Variants in AASDH observed in about 807,000 individuals in gnomAD.
The protein encoded by AASDH is beta-alanine-activating enzyme.
AASDH carries 81 observed loss-of-function variants against 102.3 expected under a neutral mutation model. That is an observed-to-expected ratio of 0.79 (90% CI 0.66 to 0.95). The LOEUF (loss-of-function observed/expected upper bound fraction) is 0.95. Ranked by LOEUF, AASDH falls within the 40% of genes least tolerant of loss-of-function variation. The probability of loss-of-function intolerance (pLI) is 0.00; values close to 1 mark genes in which losing one functional copy is unlikely to be tolerated. For missense variants in AASDH, 1,203 were observed against 1,266.2 expected, an observed-to-expected ratio of 0.95 and a Z score of 0.76; for synonymous variants, 398 against 454.0, an observed-to-expected ratio of 0.88 and a Z score of 1.57.
chr4:56,370,874 A>T (rs1312199600), intron 5 of AASDH, among the ~76,000 whole-genome samples: 1 of 152,216 alleles, frequency 6.6e-6, no homozygotes, highest in Non-Finnish European at 1.5e-5. Flanking sequence ...TGATATGCAT[A>T]TAATATTGCT....
intron 5 of AASDH, among the ~76,000 whole-genome samples, chr4:56,369,958 A>T (rs1124569): frequency 6.7e-6 from 1 of 150,272 alleles, no homozygotes; most frequent in Non-Finnish European, 1.5e-5. Flanking sequence ...AAAAAAAAAA[A>T]AAAAACAGAC....
At chr4:56,366,453 T>C (rs1438654297) in intron 5 of AASDH, among the ~76,000 whole-genome samples, 2 of 152,114 alleles carry the variant, frequency 1.3e-5, no homozygotes, top group African/African-American at 4.8e-5. Context: ...TTGATGAACA[T>C]TGATGCAAAA....
chr4:56,357,651 TAATTATGAATAG>T, intron 5 of AASDH, among the ~76,000 whole-genome samples: 9 of 149,308 alleles, frequency 6.0e-5, no homozygotes, highest in African/African-American at 2.2e-4. Flanking sequence ...TAATTATATA[TAATTATGAATAG>T]AAATTATATA....
At chr4:56,371,736 T>A (rs1057015501) in intron 4 of AASDH, 93 bp from the exon 5 acceptor site, 1 of 1,186,684 alleles carries the variant, frequency 8.4e-7, no homozygotes, top group Middle Eastern at 2.4e-4. Flanking sequence ...ATGATCAAGT[T>A]TCTGAATGTT....
chr4:56,361,780 G>A (rs1750327908), intron 5 of AASDH, among the ~76,000 whole-genome samples: 1 of 151,996 alleles, frequency 6.6e-6, no homozygotes, highest in Non-Finnish European at 1.5e-5. Flanking sequence ...AGACCAGCCT[G>A]GGCAACACAG....
At chr4:56,356,088 A>C in intron 5 of AASDH, 1 of 599,478 alleles carries the variant, frequency 1.7e-6, no homozygotes, top group South Asian at 2.1e-5. Flanking sequence ...AGTATACAAA[A>C]GGGTTTAAAA....
intron 4 of AASDH, among the ~76,000 whole-genome samples, chr4:56,377,072 A>T (rs1160111328): frequency 2.6e-5 from 2 of 78,402 alleles, no homozygotes; most frequent in African/African-American, 4.4e-5. Context: ...GTCTCAAAAA[A>T]AAAAAAAAAT....
At position 56,338,805 on chromosome 4, in the gene AASDH, TA is replaced by T. The variant is rs1489814230; in HGVS notation, c.2908-15del. ...GAACTGCCAAACCTATAACAAGTAA[TA>T]AAAATAAATATAATTCATTCATCTA... On this transcript the variant is annotated splice_polypyrimidine_tract_variant and intron_variant, in intron 14 of 14. Coordinates refer to ENST00000205214, the MANE Select transcript of AASDH (RefSeq NM_181806.4). The T allele has an allele frequency of 6.2e-7, 1 of 1,604,438 alleles. No homozygotes were observed. The highest frequency in any genetic ancestry group is 1.7e-5 in the Admixed American group (1 of 59,156).
intron 12 of AASDH, among the ~76,000 whole-genome samples, chr4:56,344,654 T>C (rs920392510): frequency 3.5e-4 from 54 of 152,166 alleles, no homozygotes; most frequent in African/African-American, 1.2e-3. Flanking sequence ...CTTATTGATA[T>C]CTTCGTCATT....
chr4:56,338,378 T>C lies in AASDH; in HGVS notation c.*24A>G, dbSNP rs766604547. On this transcript the variant is annotated 3_prime_UTR_variant, in exon 15 of 15. Coordinates refer to ENST00000205214, the MANE Select transcript of AASDH (RefSeq NM_181806.4). ...ATATTTTCAAATATCTCACATTTGT[T>C]ATACAAATAAGGACTGTATTTGATT... 1.3e-6 allele frequency: 2 copies of C among 1,590,722 alleles called. No individual in the cohort carries two copies. Among genetic ancestry groups the C allele is most frequent in the Non-Finnish European group, 1.7e-6 (2 of 1,168,016 alleles).
At chr4:56,364,110 G>A (rs558492252) in intron 5 of AASDH, among the ~76,000 whole-genome samples, 119 of 152,316 alleles carry the variant, frequency 7.8e-4, no homozygotes, top group African/African-American at 2.6e-3. Flanking sequence ...CTGGAAGAAA[G>A]GGTATCAGTG....
intron 14 of AASDH, among the ~76,000 whole-genome samples, chr4:56,340,554 G>A (rs1165834735): frequency 1.3e-5 from 2 of 152,094 alleles, no homozygotes; most frequent in Non-Finnish European, 2.9e-5. Flanking sequence ...TTAAATTTAA[G>A]ACCTAAAACT....
At chr4:56,373,787 T>A (rs1459134969) in intron 4 of AASDH, among the ~76,000 whole-genome samples, 1 of 151,216 alleles carries the variant, frequency 6.6e-6, no homozygotes, top group East Asian at 2.0e-4. Flanking sequence ...AGTTTTCAAT[T>A]CTATGAACAA....
At chr4:56,371,025 C>T (rs2109969492) in intron 5 of AASDH, among the ~76,000 whole-genome samples, 1 of 152,210 alleles carries the variant, frequency 6.6e-6, no homozygotes, top group South Asian at 2.1e-4. Flanking sequence ...TTCAAAAATA[C>T]TTGTTTCTGT....
intron 2 of AASDH, 103 bp from the exon 3 acceptor site, chr4:56,382,700 TA>T (rs1753121984): frequency 2.2e-6 from 3 of 1,354,528 alleles, no homozygotes; most frequent in Non-Finnish European, 3.0e-6. Context: ...TGTAGCAGCA[TA>T]AAAATGGTTT....
At chr4:56,365,889 T>C (rs1750934049) in intron 5 of AASDH, among the ~76,000 whole-genome samples, 3 of 152,012 alleles carry the variant, frequency 2.0e-5, no homozygotes, top group Admixed American at 6.5e-5. Context: ...CTGAAGGAAA[T>C]AGAGACACAA....
At position 56,342,825 on chromosome 4, in the gene AASDH, G is replaced by T; in HGVS notation, c.2907+10C>A. 7.6e-7 allele frequency: 1 copy of T among 1,315,208 alleles called. No individual in the cohort carries two copies. Among genetic ancestry groups the T allele is most frequent in the Non-Finnish European group, 9.8e-7 (1 of 1,021,422 alleles). The allele number at this position is 1,315,208 out of a possible 1,614,324, so 81.5% of individuals were successfully genotyped here. A position where few individuals can be genotyped will look rare whatever the true frequency, so the allele number is the denominator to read the frequency against. On this transcript the variant is annotated intron_variant, in intron 14 of 14. Transcript: ENST00000205214. ...AAAATGTATATATAAAAAATTTCTA[G>T]TTCTATTACCTGTTCTCCAAAGTGA...
At position 56,338,372 on chromosome 4, in the gene AASDH, A is replaced by C; in HGVS notation, c.*30T>G. The stretch of plus-strand genomic sequence containing the variant: ...GGTAAAATATTTTCAAATATCTCAC[A>C]TTTGTTATACAAATAAGGACTGTAT... On this transcript the variant is annotated 3_prime_UTR_variant, in exon 15 of 15. Transcript: ENST00000205214. 7 of 1,589,022 alleles carry C rather than the reference A, an allele frequency of 4.4e-6. No homozygotes were observed. Among genetic ancestry groups the C allele is most frequent in the Non-Finnish European group, 6.0e-6 (7 of 1,167,868 alleles).
chr4:56,364,381 C>G (rs1482699303), intron 5 of AASDH, among the ~76,000 whole-genome samples: 1 of 152,044 alleles, frequency 6.6e-6, no homozygotes, highest in Non-Finnish European at 1.5e-5. Flanking sequence ...CACAAAGATA[C>G]TCTTCAAGAA....
Sources: gnomAD v4.1 joint callset for allele counts (sites outside exome capture counted in the v4.1 genomes callset) on GRCh38, gnomAD v4.1.1 for gene constraint, MANE v1.5 for transcripts, NCBI Gene and HGNC (gene_info 2026-07-23, HGNC 2026-07-21) for gene names.